The following PCDHA7 variants were observed in gnomAD, a reference collection of about 807,000 sequenced individuals.
PCDHA7 encodes the protein protocadherin alpha-7.
In PCDHA7, 37 loss-of-function variants were observed where a neutral mutation model predicts 57.2. That is an observed-to-expected ratio of 0.65 (90% CI 0.50 to 0.85). PCDHA7 has a LOEUF of 0.85. Ranked by LOEUF, PCDHA7 falls within the 40% of genes least tolerant of loss-of-function variation. PCDHA7 has a pLI of 0.00. For synonymous variants in PCDHA7, 553 were observed against 558.8 expected (o/e 0.99, Z 0.15); for missense variants, 1,188 against 1,241.8 (o/e 0.96, Z 0.65).
intron 1 of PCDHA7, chr5:140,860,111 A>T (rs1337460322): frequency 6.6e-6 from 1 of 151,186 alleles, no homozygotes; most frequent in African/African-American, 2.4e-5. Context: ...CGACATAGGG[A>T]TATCTTGTAC....
At chr5:140,916,527 C>T (rs2077599616) in intron 1 of PCDHA7, among the ~76,000 whole-genome samples, 1 of 152,162 alleles carries the variant, frequency 6.6e-6, no homozygotes, top group Non-Finnish European at 1.5e-5. Context: ...CTGGGTCCTT[C>T]CCACCAAGGC....
At position 140,877,008 on chromosome 5, in the gene PCDHA7, G is replaced by A. The variant is rs368922456; in HGVS notation, c.2355+40270G>A. On this transcript the variant is annotated intron_variant, in intron 1 of 3. Coordinates refer to ENST00000525929, the MANE Select transcript of PCDHA7 (RefSeq NM_018910.3). Reference sequence around the variant, plus strand: ...TGTCGAGCTACGTGTCGGTGCACGCGGAGAGCGGCAAGGTGTACGCGCTGC... The same window carrying A: ...TGTCGAGCTACGTGTCGGTGCACGCAGAGAGCGGCAAGGTGTACGCGCTGC... 82 of 1,612,526 alleles carry A rather than the reference G, an allele frequency of 5.1e-5. No homozygotes were observed. The African/African-American group carries it at 9.3e-4, about 18-fold the overall frequency.
Position 140,967,862 on chromosome 5 carries a change from G to T in PCDHA7, c.2356-11087G>T, listed in dbSNP as rs781878230. On this transcript the variant is annotated intron_variant, in intron 1 of 3. Transcript: ENST00000525929. ...CGTGAATGACAATGCCCCAGAGGTG[G>T]TGCTCACGGACCTGTATAGCCCAGT... The T allele has an allele frequency of 8.1e-6, 13 of 1,614,170 alleles. No individual in the cohort carries two copies. The East Asian group carries it at 2.5e-4, about 30-fold the overall frequency.
chr5:140,994,732 G>T (rs1159331502), intron 3 of PCDHA7, among the ~76,000 whole-genome samples: 3 of 152,114 alleles, frequency 2.0e-5, no homozygotes, highest in Non-Finnish European at 4.4e-5. Flanking sequence ...ACTGGGTATT[G>T]CAGGATGGCA....
chr5:140,845,806 G>A lies in PCDHA7; in HGVS notation c.2355+9068G>A, dbSNP rs181852122. ...AATAATAAACTCTGGCAAGTGATAGGTACATAATAAAATTTAGTTATTACC... is the reference window on the plus strand; with the variant it reads ...AATAATAAACTCTGGCAAGTGATAGATACATAATAAAATTTAGTTATTACC... On this transcript the variant is annotated intron_variant, in intron 1 of 3. Transcript: ENST00000525929. 4.5e-3 allele frequency among the ~76,000 whole-genome samples: 673 copies of A among 149,580 alleles called. 58 individuals carry two copies. The highest frequency in any genetic ancestry group is 6.8e-3 in the Middle Eastern group (2 of 292).
chr5:140,984,645 C>T (rs1354690786), intron 3 of PCDHA7, among the ~76,000 whole-genome samples: 1 of 152,164 alleles, frequency 6.6e-6, no homozygotes, highest in African/African-American at 2.4e-5. Flanking sequence ...TGCCTTCTCC[C>T]TGTCCTTCTG....
At chr5:140,923,659 G>A in intron 1 of PCDHA7, among the ~76,000 whole-genome samples, 1 of 152,224 alleles carries the variant, frequency 6.6e-6, no homozygotes, top group East Asian at 1.9e-4. Context: ...CTTATCTTTG[G>A]GATATCGTTC....
chr5:140,896,929 G>A (rs2065808653), intron 1 of PCDHA7, among the ~76,000 whole-genome samples: 2 of 152,106 alleles, frequency 1.3e-5, no homozygotes, highest in African/African-American at 4.8e-5. Flanking sequence ...ATCACATCAT[G>A]GAAAATGGAA....
At position 141,009,699 on chromosome 5, in the gene PCDHA7, G is replaced by A. The variant is rs1554262287; in HGVS notation, c.2576G>A (p.Gly859Glu). Residue 859 changes from glycine to glutamate, a missense_variant, in exon 4 of 4, where the codon GGA becomes GAA. Gly to Glu is a moderately conservative substitution (Grantham distance 98, BLOSUM62 -2). Transcript: ENST00000525929. ...AGCAACAGCTGGACCTTTAAATACG[G>A]ACCAGGCAACCCCAAACAATCCGGT... Reference protein sequence around the residue: ...VNSNSWTFKYGPGNPKQSGPG... With the variant: ...VNSNSWTFKYEPGNPKQSGPG... 1 of 1,614,030 alleles carries A rather than the reference G, an allele frequency of 6.2e-7. No individual in the cohort carries two copies. The highest frequency in any genetic ancestry group is 8.5e-7 in the Non-Finnish European group (1 of 1,180,010).
In PCDHA7 at chr5:140,871,231, C is replaced by A. The variant is rs371096811; in HGVS notation, c.2355+34493C>A. The A allele has an allele frequency of 1.9e-6, 3 of 1,613,814 alleles. No individual in the cohort carries two copies. The African/African-American group carries it at 4.0e-5, about 22-fold the overall frequency. On this transcript the variant is annotated intron_variant, in intron 1 of 3. Coordinates refer to ENST00000525929, the MANE Select transcript of PCDHA7 (RefSeq NM_018910.3). ...CGCCATCTGCGTGGTGTCCAGCCTC[C>A]TGGTACTCACGCTGCTGCTGTATAC...
chr5:140,967,431 T>G, intron 1 of PCDHA7: 1 of 1,613,498 alleles, frequency 6.2e-7, no homozygotes, highest in Non-Finnish European at 8.5e-7. Flanking sequence ...CAGGCAGCCT[T>G]GCACCACCTG....
intron 1 of PCDHA7, among the ~76,000 whole-genome samples, chr5:140,880,091 C>A (rs925970617): frequency 6.6e-6 from 1 of 152,106 alleles, no homozygotes; most frequent in African/African-American, 2.4e-5. Context: ...TTATAGTAGG[C>A]TTAAAATCAT....
At chr5:140,874,144 T>A (rs1554167057) in intron 1 of PCDHA7, among the ~76,000 whole-genome samples, 1 of 152,244 alleles carries the variant, frequency 6.6e-6, no homozygotes, top group Non-Finnish European at 1.5e-5. Context: ...CTTATACTTG[T>A]AGAGCCATTC....
At chr5:140,987,585 A>G (rs575330361) in intron 3 of PCDHA7, among the ~76,000 whole-genome samples, 2 of 152,236 alleles carry the variant, frequency 1.3e-5, no homozygotes, top group East Asian at 3.8e-4. Flanking sequence ...AAATGGGGAG[A>G]ATAGTGGTGT....
At chr5:140,998,056 C>T (rs1162882949) in intron 3 of PCDHA7, among the ~76,000 whole-genome samples, 1 of 152,160 alleles carries the variant, frequency 6.6e-6, no homozygotes, top group Non-Finnish European at 1.5e-5. Context: ...GTGACATCAT[C>T]ATCAACAGAC....
intron 1 of PCDHA7, among the ~76,000 whole-genome samples, chr5:140,932,822 A>G (rs1191525374): frequency 6.6e-6 from 1 of 151,946 alleles, no homozygotes; most frequent in Non-Finnish European, 1.5e-5. Context: ...ATAAGTGGGA[A>G]AGTATTGACA....
intron 1 of PCDHA7, chr5:140,870,967 C>T (rs782808360): frequency 1.9e-6 from 3 of 1,613,648 alleles, no homozygotes; most frequent in Admixed American, 1.7e-5. Context: ...CATCCCGTTC[C>T]GCGTGGGGCT....
intron 1 of PCDHA7, among the ~76,000 whole-genome samples, chr5:140,890,167 A>G (rs1423577741): frequency 6.6e-6 from 1 of 152,174 alleles, no homozygotes; most frequent in East Asian, 1.9e-4. Context: ...CTGCCACAGA[A>G]ATAGGCAAAT....
At chr5:140,853,884 T>G in intron 1 of PCDHA7, 1 of 980,606 alleles carries the variant, frequency 1.0e-6, no homozygotes, top group South Asian at 4.8e-5. Flanking sequence ...TTTCTGTAAT[T>G]TAAAAAGATG....
Sources: allele counts gnomAD v4.1 joint callset (sites outside exome capture counted in the v4.1 genomes callset), GRCh38; gene constraint gnomAD v4.1.1; transcripts MANE v1.5; gene names NCBI Gene and HGNC (gene_info 2026-07-23, HGNC 2026-07-21).